The following SGCZ variants were observed in gnomAD, a reference collection of about 807,000 sequenced individuals.
The protein encoded by SGCZ is sarcoglycan zeta, also known as zeta-sarcoglycan.
A neutral mutation model predicts 41.3 loss-of-function variants in SGCZ; 40 were observed. The observed-to-expected ratio is 0.97, with a 90% CI of 0.75 to 1.26. The LOEUF is 1.26. SGCZ is among the 50% of genes most tolerant of loss of function. The pLI is 0.00. For synonymous variants in SGCZ, 206 were observed against 137.5 expected (o/e 1.50, Z -3.49); for missense variants, 552 against 369.8 (o/e 1.49, Z -4.04).
intron 2 of SGCZ, among the ~76,000 whole-genome samples, chr8:14,378,858 G>C (rs144007366): frequency 6.6e-6 from 1 of 151,962 alleles, no homozygotes; most frequent in Non-Finnish European, 1.5e-5. Context: ...GACGTGTGAG[G>C]AAAAACAAGT....
At chr8:14,718,526 T>C (rs1441240975) in intron 1 of SGCZ, among the ~76,000 whole-genome samples, 1 of 152,078 alleles carries the variant, frequency 6.6e-6, no homozygotes, top group Non-Finnish European at 1.5e-5. Flanking sequence ...AAATTAAATA[T>C]TGAAATCCTC....
At chr8:15,054,588 T>A (rs1804635440) in intron 1 of SGCZ, among the ~76,000 whole-genome samples, 1 of 152,180 alleles carries the variant, frequency 6.6e-6, no homozygotes, top group Non-Finnish European at 1.5e-5. Context: ...GGCGTTGTAT[T>A]AATACTTGAA....
rs149173891 is a variant in SGCZ at position 14,563,557 on chromosome 8, T to C, written c.40-8631A>G. ...AAGGCAGAAATATTGTCTGAAAGGA[T>C]GAATAAATTATCCCACCTAAATGTG... is the stretch of plus-strand genomic sequence containing the variant. On this transcript the variant is annotated intron_variant, in intron 1 of 7. Coordinates refer to ENST00000382080, the MANE Select transcript of SGCZ (RefSeq NM_139167.4). 4.7e-3 allele frequency among the ~76,000 whole-genome samples: 717 copies of C among 152,334 alleles called. 9 individuals are homozygous for C. The highest frequency in any genetic ancestry group is 0.016 in the African/African-American group (669 of 41,576).
chr8:14,569,969 G>A (rs2117228415), intron 1 of SGCZ, among the ~76,000 whole-genome samples: 1 of 150,598 alleles, frequency 6.6e-6, no homozygotes, highest in Middle Eastern at 3.5e-3. Flanking sequence ...TTTTCAGCCA[G>A]CCCTACCATG....
At chr8:14,225,522 G>C (rs1475642786) in intron 4 of SGCZ, among the ~76,000 whole-genome samples, 2 of 151,966 alleles carry the variant, frequency 1.3e-5, no homozygotes, top group Non-Finnish European at 2.9e-5. Flanking sequence ...ATGATAGTCA[G>C]GTGTAATCAT....
chr8:14,204,079 A>G (rs115803802), intron 4 of SGCZ, among the ~76,000 whole-genome samples: 1,623 of 152,154 alleles, frequency 0.011, 26 homozygotes, highest in African/African-American at 0.037. Flanking sequence ...ATACTGATGG[A>G]GGATAAATAA....
At chr8:14,284,031 T>G (rs534206558) in intron 3 of SGCZ, among the ~76,000 whole-genome samples, 1 of 152,362 alleles carries the variant, frequency 6.6e-6, no homozygotes, top group African/African-American at 2.4e-5. Flanking sequence ...TTAATCTTTC[T>G]TGTGAATTGG....
chr8:15,121,909 A>AC, intron 1 of SGCZ, among the ~76,000 whole-genome samples: 1 of 151,944 alleles, frequency 6.6e-6, no homozygotes, highest in East Asian at 1.9e-4. Flanking sequence ...CCAAAAAAAA[A>AC]AAAAAAAATA....
chr8:15,014,409 C>T (rs756507146), intron 1 of SGCZ, among the ~76,000 whole-genome samples: 2 of 152,172 alleles, frequency 1.3e-5, no homozygotes, highest in Non-Finnish European at 2.9e-5. Flanking sequence ...ATGGTAGCTT[C>T]ATTTTGCGTG....
At chr8:14,586,331 A>T (rs1343944831) in intron 1 of SGCZ, among the ~76,000 whole-genome samples, 1 of 151,960 alleles carries the variant, frequency 6.6e-6, no homozygotes, top group East Asian at 1.9e-4. Context: ...CTTGTGTCTC[A>T]GACTCCCAAG....
intron 1 of SGCZ, among the ~76,000 whole-genome samples, chr8:14,716,749 T>C (rs1287741793): frequency 1.3e-5 from 2 of 152,072 alleles, no homozygotes; most frequent in Non-Finnish European, 2.9e-5. Flanking sequence ...AGCATTGTAT[T>C]TTTGATATTT....
At chr8:14,230,547 C>T (rs889478683) in intron 4 of SGCZ, among the ~76,000 whole-genome samples, 7 of 151,956 alleles carry the variant, frequency 4.6e-5, no homozygotes, top group Non-Finnish European at 8.8e-5. Flanking sequence ...AAAATCCATG[C>T]CATTAATTGG....
chr8:14,085,003 A>C lies in SGCZ; in HGVS notation c.*5440T>G, dbSNP rs1801484704. On this transcript the variant is annotated 3_prime_UTR_variant, in exon 8 of 8. Coordinates refer to ENST00000382080, the MANE Select transcript of SGCZ (RefSeq NM_139167.4). Reference sequence around the variant, plus strand: ...TCATTTCAGAGAAAAAAAGGTTTCCAATTGCCAAAACTTTGCTGCATTTTC... The same window carrying C: ...TCATTTCAGAGAAAAAAAGGTTTCCCATTGCCAAAACTTTGCTGCATTTTC... 6.6e-6 allele frequency among the ~76,000 whole-genome samples: 1 copy of C among 151,758 alleles called. No homozygotes were observed. Among genetic ancestry groups the C allele is most frequent in the Non-Finnish European group, 1.5e-5 (1 of 67,832 alleles).
intron 2 of SGCZ, among the ~76,000 whole-genome samples, chr8:14,438,142 A>T (rs28710257): frequency 0.051 from 7,721 of 152,130 alleles, 383 homozygotes; most frequent in African/African-American, 0.13. Flanking sequence ...AAGGAACACA[A>T]TAGCTGTTAA....
At chr8:14,150,925 GA>G (rs1243293126) in intron 5 of SGCZ, among the ~76,000 whole-genome samples, 1 of 152,156 alleles carries the variant, frequency 6.6e-6, no homozygotes, top group Non-Finnish European at 1.5e-5. Flanking sequence ...GCCAGGCACA[GA>G]AAGACAAACA....
chr8:14,506,206 C>A (rs1252511361), intron 2 of SGCZ, among the ~76,000 whole-genome samples: 3 of 151,666 alleles, frequency 2.0e-5, no homozygotes, highest in African/African-American at 7.3e-5. Context: ...CAAACAGAAA[C>A]AAAAAAACGA....
chr8:14,442,932 T>C (rs2117374906), intron 2 of SGCZ, among the ~76,000 whole-genome samples: 1 of 152,272 alleles, frequency 6.6e-6, no homozygotes, highest in East Asian at 1.9e-4. Flanking sequence ...GCCCAAAATC[T>C]CCTTAAGCTG....
intron 2 of SGCZ, among the ~76,000 whole-genome samples, chr8:14,415,746 G>T (rs1799475355): frequency 6.6e-6 from 1 of 151,826 alleles, no homozygotes; most frequent in Non-Finnish European, 1.5e-5. Context: ...AAGTTCAAAA[G>T]ACTCAGATGC....
chr8:14,187,928 C>G (rs914071205), intron 4 of SGCZ, among the ~76,000 whole-genome samples: 1 of 151,940 alleles, frequency 6.6e-6, no homozygotes, highest in Non-Finnish European at 1.5e-5. Context: ...AGGTGAAAAT[C>G]TTGAAAGGAG....
Sources: allele counts gnomAD v4.1 joint callset (sites outside exome capture counted in the v4.1 genomes callset), GRCh38; gene constraint gnomAD v4.1.1; transcripts MANE v1.5; gene names NCBI Gene and HGNC (gene_info 2026-07-23, HGNC 2026-07-21).